GFM1: variants seen among roughly 807,000 people sequenced by gnomAD.
GFM1 encodes elongation factor G, mitochondrial.
A neutral mutation model predicts 96.2 loss-of-function variants in GFM1; 62 were observed. The ratio of observed to expected loss-of-function variants is 0.64; its 90% confidence interval spans 0.53 to 0.80. GFM1 has a LOEUF of 0.80. GFM1 is among the 30% of genes least tolerant of loss of function. GFM1 has a pLI of 0.00. For missense variants in GFM1, 852 were observed against 916.6 expected (o/e 0.93, Z 0.91); for synonymous variants, 282 against 312.9 (o/e 0.90, Z 1.04).
intron 10 of GFM1, among the ~76,000 whole-genome samples, chr3:158,661,477 A>G (rs960833852): frequency 1.3e-5 from 2 of 152,336 alleles, no homozygotes; most frequent in Admixed American, 1.3e-4. Context: ...CCAGGCTCAG[A>G]AGGCAATAGG....
intron 13 of GFM1, among the ~76,000 whole-genome samples, chr3:158,675,157 GGCGCCTGTAATCCCA>G (rs565512134): frequency 0.012 from 1,775 of 151,728 alleles, 28 homozygotes; most frequent in African/African-American, 0.042. Context: ...CGTGGCGGCG[GGCGCCTGTAATCCCA>G]GCTACTCGGG....
At chr3:158,680,149 T>TGAC (rs1725243481) in intron 13 of GFM1, among the ~76,000 whole-genome samples, 1 of 152,188 alleles carries the variant, frequency 6.6e-6, no homozygotes, top group African/African-American at 2.4e-5. Flanking sequence ...ATAATTTTTC[T>TGAC]TTTTCAATTA....
At chr3:158,686,646 T>C (rs1023639241) in intron 15 of GFM1, among the ~76,000 whole-genome samples, 1 of 118,636 alleles carries the variant, frequency 8.4e-6, no homozygotes, top group Non-Finnish European at 1.7e-5. Flanking sequence ...TTAGGTATAG[T>C]ATATATATTA....
chr3:158,663,603 C>T (rs1405912797), intron 11 of GFM1, among the ~76,000 whole-genome samples: 1 of 152,100 alleles, frequency 6.6e-6, no homozygotes, highest in Non-Finnish European at 1.5e-5. Context: ...GAAAGGTGAA[C>T]CTTACATCTT....
At chr3:158,655,427 T>C (rs1006496107) in intron 8 of GFM1, among the ~76,000 whole-genome samples, 2 of 149,028 alleles carry the variant, frequency 1.3e-5, no homozygotes, top group Non-Finnish European at 3.0e-5. Context: ...GAGGTTGCAG[T>C]GAGCCGAGAT....
At chr3:158,685,057 T>TTA (rs1725727030) in intron 15 of GFM1, 1 of 177,336 alleles carries the variant, frequency 5.6e-6, no homozygotes, top group East Asian at 1.5e-4. Context: ...GTAAGTAATC[T>TTA]CTTCATTATG....
In GFM1 at chr3:158,646,727, ACTT is replaced by A. The variant is rs1480373267; in HGVS notation, c.368-14_368-12del. 2.5e-6 allele frequency: 4 copies of A among 1,606,648 alleles called. No individual in the cohort carries two copies. The African/African-American group carries it at 5.3e-5, about 21-fold the overall frequency. Reference sequence around the variant, plus strand: ...AGATTGCTCTTTAAGACCCTCTCATACTTCATCTTATTCAGGGCATGTGGACTT... The same window carrying A: ...AGATTGCTCTTTAAGACCCTCTCATACATCTTATTCAGGGCATGTGGACTT... On this transcript the variant is annotated splice_polypyrimidine_tract_variant and intron_variant, in intron 3 of 17. Coordinates refer to ENST00000486715, the MANE Select transcript of GFM1 (RefSeq NM_024996.7).
chr3:158,647,124 C>G (rs111252329), intron 4 of GFM1, among the ~76,000 whole-genome samples, 177 bp downstream of exon 4: 10 of 152,176 alleles, frequency 6.6e-5, no homozygotes, highest in African/African-American at 2.2e-4. Flanking sequence ...GTGGTATGAT[C>G]TCATCAACTA....
intron 15 of GFM1, among the ~76,000 whole-genome samples, chr3:158,686,702 A>G (rs1420329613): frequency 1.4e-5 from 2 of 145,338 alleles, no homozygotes; most frequent in African/African-American, 5.1e-5. Flanking sequence ...GAAAAACACT[A>G]GATTATAATT....
At chr3:158,685,079 T>C (rs191015509) in intron 15 of GFM1, 114 of 164,008 alleles carry the variant, frequency 7.0e-4, no homozygotes, top group Middle Eastern at 3.3e-3. Flanking sequence ...CATTGTATGC[T>C]TTTAGGCATT....
At chr3:158,665,262 A>G (rs1011186493) in intron 11 of GFM1, 75 bp from the exon 12 acceptor site, 2 of 1,078,810 alleles carry the variant, frequency 1.9e-6, no homozygotes, top group Admixed American at 1.8e-5. Context: ...TATTTCATTC[A>G]GTAAAGTTTT....
intron 8 of GFM1, among the ~76,000 whole-genome samples, chr3:158,655,470 C>T (rs1401768100): frequency 1.4e-5 from 2 of 138,604 alleles, no homozygotes; most frequent in Non-Finnish European, 3.0e-5. Context: ...GGCGACAGAG[C>T]AAGACTTCAT....
Position 158,646,220 on chromosome 3 carries a change from A to G in GFM1, c.290A>G (p.Gln97Arg). The G allele has an allele frequency of 6.2e-7, 1 of 1,613,920 alleles. No individual in the cohort carries two copies. Among genetic ancestry groups the G allele is most frequent in the Middle Eastern group, 1.6e-4 (1 of 6,062 alleles). Residue 97 changes from glutamine to arginine, a missense_variant, in exon 3 of 18, where the codon CAA (glutamine) becomes CGA (arginine). Transcript: ENST00000486715. ...ATGGATTCCATGGAACTAGAGAGACAAAGAGGAATCACTATTCAGTCAGCA... is the reference window on the plus strand; with the variant it reads ...ATGGATTCCATGGAACTAGAGAGACGAAGAGGAATCACTATTCAGTCAGCA... Reference protein sequence around the residue: ...AVMDSMELERQRGITIQSAAT... With the variant: ...AVMDSMELERRRGITIQSAAT...
At chr3:158,666,655 TTGTA>T (rs1723719379) in intron 13 of GFM1, 2 of 1,613,224 alleles carry the variant, frequency 1.2e-6, no homozygotes, top group Non-Finnish European at 1.7e-6. Flanking sequence ...TTTATTCCAG[TTGTA>T]CTTCCTTTGG....
intron 5 of GFM1, among the ~76,000 whole-genome samples, chr3:158,651,456 C>T (rs544865821): frequency 6.6e-6 from 1 of 151,892 alleles, no homozygotes; most frequent in South Asian, 2.1e-4. Context: ...AAGTTAGTTT[C>T]CTGATCTGAA....
At chr3:158,648,120 C>T (rs573697166) in intron 4 of GFM1, among the ~76,000 whole-genome samples, 3 of 151,988 alleles carry the variant, frequency 2.0e-5, no homozygotes, top group Non-Finnish European at 4.4e-5. Flanking sequence ...CTTTCTCTTT[C>T]CTTGCAACAT....
intron 13 of GFM1, 196 bp downstream of exon 13, chr3:158,666,582 A>G: frequency 7.0e-7 from 1 of 1,436,932 alleles, no homozygotes; most frequent in Non-Finnish European, 9.8e-7. Flanking sequence ...CATAAGCTAG[A>G]TGCCAGTGAA....
At chr3:158,677,369 G>A (rs991303360) in intron 13 of GFM1, among the ~76,000 whole-genome samples, 1 of 152,192 alleles carries the variant, frequency 6.6e-6, no homozygotes, top group East Asian at 1.9e-4. Flanking sequence ...TGGTTCATGA[G>A]GTTTAAGGAA....
At chr3:158,682,973 T>C (rs1250091196) in intron 14 of GFM1, among the ~76,000 whole-genome samples, 3 of 151,232 alleles carry the variant, frequency 2.0e-5, no homozygotes, top group Non-Finnish European at 4.4e-5. Context: ...AGATGGAGAC[T>C]GTGGTGAGCT....
Sources: allele counts gnomAD v4.1 joint callset (sites outside exome capture counted in the v4.1 genomes callset), GRCh38; gene constraint gnomAD v4.1.1; transcripts MANE v1.5; gene names NCBI Gene and HGNC (gene_info 2026-07-23, HGNC 2026-07-21).